KIDINS220: variants seen among roughly 807,000 people sequenced by gnomAD.
KIDINS220 encodes kinase D interacting substrate 220.
KIDINS220 carries 63 observed loss-of-function variants against 157.6 expected under a neutral mutation model. The ratio of observed to expected loss-of-function variants is 0.40; its 90% CI spans 0.33 to 0.49. KIDINS220 has a LOEUF of 0.49. KIDINS220 is among the 20% of genes least tolerant of loss of function. The pLI is 0.66. For synonymous variants in KIDINS220, 732 were observed against 783.6 expected, an observed-to-expected ratio of 0.93 and a Z score of 1.10; for missense variants, 1,772 against 2,171.2, an observed-to-expected ratio of 0.82 and a Z score of 3.65.
In KIDINS220 at chr2:8,827,069, C is replaced by T. The variant is rs201363981; in HGVS notation, c.25G>A (p.Val9Ile). The change falls in exon 2 of 30, where the codon GTC becomes ATC. Residue 9 changes from valine to isoleucine, a missense_variant. Physicochemically the swap from Val to Ile is conservative, Grantham distance 29 (BLOSUM62 3). This residue lies in a region of KIDINS220 where 254 missense variants were observed against 268.6 expected (regional missense o/e 0.95). Transcript: ENST00000256707. MSVLISQS[V>I]INYVEEENIP... ...TTTTCTTCCTCTACATAATTTATGA[C>T]GCTCTGTGATATCAAAACTGACATT... The T allele has an allele frequency of 3.0e-5, 48 of 1,600,968 alleles. No homozygotes were observed. The highest frequency in any genetic ancestry group is 1.3e-4 in the African/African-American group (10 of 74,868).
intron 26 of KIDINS220, among the ~76,000 whole-genome samples, chr2:8,745,692 A>C (rs1313946976): frequency 1.3e-5 from 2 of 152,086 alleles, no homozygotes; most frequent in Non-Finnish European, 2.9e-5. Context: ...CCAGCTACTC[A>C]GGAGGCTGAG....
rs182855144 is a variant in KIDINS220, at chr2:8,744,699, T to C, written c.3585+2446A>G. On this transcript the variant is annotated intron_variant, in intron 26 of 29. Transcript: ENST00000256707. ...TACTTTTCTGCTAGGTACTCTCTGT[T>C]GGTCCAGCTACAAAGTTCTGGCAAT... Among the ~76,000 whole-genome samples the C allele has an allele frequency of 2.7e-4, 41 of 151,960 alleles. No individual in the cohort carries two copies. In the East Asian group the frequency reaches 7.0e-3, roughly 26 times the overall value.
intron 26 of KIDINS220, chr2:8,740,202 A>G: frequency 1.0e-6 from 1 of 980,668 alleles, no homozygotes; most frequent in South Asian, 4.7e-5. Context: ...GAAGGAATAA[A>G]ACACAGTGAA....
intron 26 of KIDINS220, among the ~76,000 whole-genome samples, chr2:8,744,363 CAAAAAAA>C (rs547083543): frequency 0.051 from 452 of 8,914 alleles, 2 homozygotes; most frequent in Middle Eastern, 0.25. Context: ...TTCCTCATGG[CAAAAAAA>C]AAAAAAAAAA....
chr2:8,747,964 A>AAT lies in KIDINS220; in HGVS notation c.3449_3450dup (p.Tyr1151IlefsTer15). On this transcript the variant is annotated frameshift_variant, in exon 25 of 30. Transcript: ENST00000256707. LOFTEE classifies it high-confidence loss of function. ...ATGAGATGTTGGGAGCCGCCAGGGT[A>AAT]ATACCTTGGCGTGTAAAGGTATGGG... The AAT allele has an allele frequency of 6.2e-7, 1 of 1,602,100 alleles. No individual in the cohort carries two copies. The highest frequency in any genetic ancestry group is 8.5e-7 in the Non-Finnish European group (1 of 1,175,144).
At chr2:8,829,017 G>A (rs1292339450) in intron 1 of KIDINS220, among the ~76,000 whole-genome samples, 3 of 152,218 alleles carry the variant, frequency 2.0e-5, no homozygotes, top group African/African-American at 7.2e-5. Context: ...CCTTGCGATG[G>A]AGTGAATATG....
intron 17 of KIDINS220, among the ~76,000 whole-genome samples, chr2:8,780,115 G>T (rs556755116): frequency 6.6e-6 from 1 of 152,322 alleles, no homozygotes; most frequent in South Asian, 2.1e-4. Context: ...CTCTGAATGT[G>T]AAAAGATTCA....
chr2:8,786,376 T>G lies in KIDINS220; in HGVS notation c.1788-19A>C. The stretch of plus-strand genomic sequence containing the variant: ...CAAAAACCTTGAAGAAAAGAACAAA[T>G]CAAACATTACTTTATTATCTAAAGT... On this transcript the variant is annotated intron_variant, in intron 15 of 29. Transcript: ENST00000256707. 6.3e-7 allele frequency: 1 copy of G among 1,593,638 alleles called. No homozygotes were observed. The highest frequency in any genetic ancestry group is 8.6e-7 in the Non-Finnish European group (1 of 1,162,760).
chr2:8,789,777 T>A (rs150413452), intron 14 of KIDINS220, 103 bp downstream of exon 14: 2 of 902,428 alleles, frequency 2.2e-6, no homozygotes, highest in Non-Finnish European at 3.3e-6. Context: ...ATTATGAAAA[T>A]CACATACAGG....
chr2:8,801,807 A>G lies in KIDINS220; in HGVS notation c.801+1123T>C, dbSNP rs376390805. On this transcript the variant is annotated intron_variant, in intron 8 of 29. Transcript: ENST00000256707. ...TGTAGTCCCAGCTACTTGGGAGGCT[A>G]AGGCAAGGAGGATCGCTTGAGTCTA... Among the ~76,000 whole-genome samples, 9 of 152,288 alleles carry G rather than the reference A, an allele frequency of 5.9e-5. No individual in the cohort carries two copies. In the South Asian group the frequency reaches 1.5e-3, roughly 25 times the overall value.
chr2:8,823,037 G>A (rs573226391), intron 2 of KIDINS220, among the ~76,000 whole-genome samples: 23 of 152,164 alleles, frequency 1.5e-4, no homozygotes, highest in African/African-American at 5.3e-4. Flanking sequence ...GTGTAGTGGT[G>A]CAGTCATAGC....
At chr2:8,758,689 C>T (rs920185700) in intron 22 of KIDINS220, among the ~76,000 whole-genome samples, 15 of 151,800 alleles carry the variant, frequency 9.9e-5, no homozygotes, top group African/African-American at 2.9e-4. Flanking sequence ...TTTTAATGTA[C>T]GCATTTACAG....
At chr2:8,786,729 C>G (rs1005124187) in intron 15 of KIDINS220, among the ~76,000 whole-genome samples, 9 of 151,994 alleles carry the variant, frequency 5.9e-5, no homozygotes, top group Non-Finnish European at 1.3e-4. Flanking sequence ...CCAAGAGTTG[C>G]ACAAGAAAGT....
At chr2:8,735,489 C>T (rs1005198506) in intron 27 of KIDINS220, among the ~76,000 whole-genome samples, 2 of 151,870 alleles carry the variant, frequency 1.3e-5, no homozygotes, top group Admixed American at 6.6e-5. Flanking sequence ...GCCATGGCCA[C>T]GCCACTGCAC....
intron 11 of KIDINS220, among the ~76,000 whole-genome samples, chr2:8,795,755 A>T (rs1395859242): frequency 6.6e-6 from 1 of 152,260 alleles, no homozygotes; most frequent in South Asian, 2.1e-4. Flanking sequence ...ATATTATATA[A>T]TTAACAAGGC....
At chr2:8,834,832 T>C (rs1680176063) in intron 1 of KIDINS220, among the ~76,000 whole-genome samples, 1 of 152,158 alleles carries the variant, frequency 6.6e-6, no homozygotes, top group African/African-American at 2.4e-5. Context: ...TATGTATGTA[T>C]GTATGTATTT....
intron 6 of KIDINS220, among the ~76,000 whole-genome samples, chr2:8,809,750 C>T (rs1479707996): frequency 2.6e-5 from 4 of 151,854 alleles, no homozygotes; most frequent in Admixed American, 2.6e-4. Context: ...AAAATCAGTT[C>T]CCATAGAAAC....
At chr2:8,769,579 C>A (rs1458491557) in intron 22 of KIDINS220, among the ~76,000 whole-genome samples, 1 of 152,122 alleles carries the variant, frequency 6.6e-6, no homozygotes, top group African/African-American at 2.4e-5. Flanking sequence ...AAATAAACCT[C>A]ATTATATTGG....
At chr2:8,748,027 G>A in intron 24 of KIDINS220, 27 bp from the exon 25 acceptor site, 2 of 1,343,848 alleles carry the variant, frequency 1.5e-6, no homozygotes, top group Non-Finnish European at 1.0e-6. Flanking sequence ...AACAAAAAAG[G>A]GGTAAACAAT....
Sources: gnomAD v4.1 joint callset for allele counts (sites outside exome capture counted in the v4.1 genomes callset) on GRCh38, gnomAD v4.1.1 for gene constraint, gnomAD v4.1.1 regional missense constraint, MANE v1.5 for transcripts, NCBI Gene and HGNC (gene_info 2026-07-23, HGNC 2026-07-21) for gene names.